Variants in ZFHX3 observed in about 807,000 individuals in gnomAD.
The protein encoded by ZFHX3 is zinc finger homeobox 3, also known as zinc finger homeobox protein 3.
Under a neutral mutation model 279.1 loss-of-function variants are expected in ZFHX3, and 42 were observed. That is an observed-to-expected ratio of 0.15 (90% CI 0.12 to 0.19). The LOEUF (loss-of-function observed/expected upper bound fraction) is 0.19, where lower values mean the gene tolerates loss of function less well. Ranked by LOEUF, ZFHX3 falls within the 10% of genes least tolerant of loss-of-function variation. The pLI is 1.00. For missense variants in ZFHX3, 4,981 were observed against 4,754.0 expected (o/e 1.05, Z -1.40); for synonymous variants, 2,293 against 1,957.8 (o/e 1.17, Z -4.52).
At chr16:73,655,400 G>C (rs1342650648) in intron 2 of ZFHX3, among the ~76,000 whole-genome samples, 1 of 152,078 alleles carries the variant, frequency 6.6e-6, no homozygotes, top group Non-Finnish European at 1.5e-5. Context: ...AACTAATCTA[G>C]TAATTATTAG....
intron 1 of ZFHX3, among the ~76,000 whole-genome samples, chr16:72,967,285 G>A (rs180687474): frequency 2.6e-4 from 40 of 152,212 alleles, no homozygotes; most frequent in East Asian, 3.9e-4. Context: ...AGATGAGCTC[G>A]GAGCATCTAC....
At chr16:73,883,568 C>T (rs1187199210) in intron 1 of ZFHX3, among the ~76,000 whole-genome samples, 4 of 152,046 alleles carry the variant, frequency 2.6e-5, no homozygotes, top group Non-Finnish European at 4.4e-5. Context: ...CTACCAACCT[C>T]AGTATCAGCC....
intron 3 of ZFHX3, among the ~76,000 whole-genome samples, chr16:72,905,716 A>T (rs888913145): frequency 1.3e-5 from 2 of 152,226 alleles, no homozygotes; most frequent in African/African-American, 4.8e-5. Flanking sequence ...CACCCAAGCC[A>T]ACAGAGTGGT....
At chr16:73,387,130 CTG>C (rs2016917070) in intron 3 of ZFHX3, 2 of 152,306 alleles carry the variant, frequency 1.3e-5, no homozygotes, top group South Asian at 4.1e-4. Flanking sequence ...TTGTATGAGA[CTG>C]TGTGAGTGCT....
At chr16:73,784,482 C>T (rs545682433) in intron 1 of ZFHX3, among the ~76,000 whole-genome samples, 1 of 152,172 alleles carries the variant, frequency 6.6e-6, no homozygotes, top group East Asian at 1.9e-4. Context: ...GGCGCAGTGG[C>T]TCACGTCTGT....
chr16:73,116,165 T>C (rs1966430984), intron 7 of ZFHX3, among the ~76,000 whole-genome samples: 1 of 151,880 alleles, frequency 6.6e-6, no homozygotes, highest in Non-Finnish European at 1.5e-5. Context: ...CACTGCTTCA[T>C]CCTGCCTTTA....
chr16:73,519,238 T>C (rs2019573203), intron 2 of ZFHX3, among the ~76,000 whole-genome samples: 1 of 152,016 alleles, frequency 6.6e-6, no homozygotes, highest in Non-Finnish European at 1.5e-5. Context: ...AAATTTTCCA[T>C]TAAAAAAAAA....
At chr16:73,181,353 G>C (rs1243239705) in intron 5 of ZFHX3, among the ~76,000 whole-genome samples, 1 of 152,088 alleles carries the variant, frequency 6.6e-6, no homozygotes, top group Non-Finnish European at 1.5e-5. Context: ...GCCTCCAAAA[G>C]TACTGGGATT....
intron 4 of ZFHX3, among the ~76,000 whole-genome samples, chr16:72,839,832 T>A (rs1311997287): frequency 6.6e-6 from 1 of 152,156 alleles, no homozygotes; most frequent in East Asian, 1.9e-4. Flanking sequence ...TCCTGTCCCC[T>A]TCCTCTGTAG....
intron 2 of ZFHX3, among the ~76,000 whole-genome samples, chr16:73,653,760 AGGT>A (rs567603221): frequency 3.9e-5 from 6 of 152,162 alleles, no homozygotes; most frequent in Non-Finnish European, 8.8e-5. Context: ...GAAAAACTAA[AGGT>A]GGTTCCTTGA....
intron 1 of ZFHX3, among the ~76,000 whole-genome samples, chr16:73,797,807 C>CTTTTTTTTTTTTTTTTTTT (rs35369374): frequency 1.2e-5 from 1 of 82,874 alleles, no homozygotes; most frequent in Non-Finnish European, 2.2e-5. Flanking sequence ...CTTCTGAAGA[C>CTTTTTTTTTTTTTTTTTTT]TTTTTTTTTT....
At chr16:73,271,004 T>G (rs976823751) in intron 4 of ZFHX3, among the ~76,000 whole-genome samples, 5 of 152,222 alleles carry the variant, frequency 3.3e-5, no homozygotes, top group Non-Finnish European at 4.4e-5. Flanking sequence ...TGATTTCGTT[T>G]TGTTCTGTTT....
chr16:73,613,416 T>C (rs2052266714), intron 2 of ZFHX3, among the ~76,000 whole-genome samples: 1 of 149,016 alleles, frequency 6.7e-6, no homozygotes, highest in South Asian at 2.1e-4. Context: ...AGAAGGAAAA[T>C]CAAAATTGTT....
chr16:72,814,625 T>TC (rs1301631916), intron 5 of ZFHX3, among the ~76,000 whole-genome samples: 14 of 138,276 alleles, frequency 1.0e-4, no homozygotes, highest in African/African-American at 3.7e-4. Flanking sequence ...TTTTTTTTTT[T>TC]CCAAACTCAA....
intron 2 of ZFHX3, among the ~76,000 whole-genome samples, chr16:73,590,738 C>T (rs2051985794): frequency 6.6e-6 from 1 of 152,060 alleles, no homozygotes; most frequent in Admixed American, 6.6e-5. Context: ...AGAAGTTTTC[C>T]AATTAACATA....
chr16:73,400,981 A>G (rs947404730), intron 3 of ZFHX3: 1 of 152,138 alleles, frequency 6.6e-6, no homozygotes, highest in African/African-American at 2.4e-5. Flanking sequence ...GGTCACTTCC[A>G]GGGCCAGGTC....
At chr16:72,825,326 TC>T in intron 5 of ZFHX3, among the ~76,000 whole-genome samples, 1 of 152,346 alleles carries the variant, frequency 6.6e-6, no homozygotes, top group African/African-American at 2.4e-5. Flanking sequence ...CTGTACAATG[TC>T]AGGAGACTGC....
chr16:72,847,486 A>C (rs1445827286), intron 4 of ZFHX3, among the ~76,000 whole-genome samples: 1 of 152,070 alleles, frequency 6.6e-6, no homozygotes, highest in Non-Finnish European at 1.5e-5. Context: ...CAAGAAACTC[A>C]GTGGTCAGGC....
intron 4 of ZFHX3, among the ~76,000 whole-genome samples, chr16:72,865,753 C>G (rs2038002903): frequency 6.6e-6 from 1 of 152,170 alleles, no homozygotes; most frequent in Non-Finnish European, 1.5e-5. Flanking sequence ...TGGCTCTTCC[C>G]AATTCTGCTG....
Sources: allele counts gnomAD v4.1 joint callset (sites outside exome capture counted in the v4.1 genomes callset), GRCh38; gene constraint gnomAD v4.1.1; transcripts MANE v1.5; gene names NCBI Gene and HGNC (gene_info 2026-07-23, HGNC 2026-07-21).